The following SND1 variants were observed in gnomAD, a reference collection of about 807,000 sequenced individuals.
The protein encoded by SND1 is staphylococcal nuclease and tudor domain containing 1.
SND1 carries 38 observed loss-of-function variants against 121.7 expected under a neutral mutation model. The observed-to-expected ratio is 0.31, with a 90% CI of 0.24 to 0.41. The LOEUF (loss-of-function observed/expected upper bound fraction) is 0.41. SND1 is among the 10% of genes least tolerant of loss of function. The pLI, the probability that SND1 is intolerant of heterozygous loss-of-function variation, is 1.00. For synonymous variants in SND1, 401 were observed against 447.4 expected, an observed-to-expected ratio of 0.90 and a Z score of 1.31; for missense variants, 868 against 1,184.6, an observed-to-expected ratio of 0.73 and a Z score of 3.92.
intron 15 of SND1, among the ~76,000 whole-genome samples, chr7:127,981,614 TGA>T (rs1282654975): frequency 6.6e-6 from 1 of 152,234 alleles, no homozygotes; most frequent in Non-Finnish European, 1.5e-5. Context: ...CATGCTGGCC[TGA>T]TTGTTATCTT....
At chr7:127,800,071 A>G (rs1052321450) in intron 10 of SND1, among the ~76,000 whole-genome samples, 5 of 152,196 alleles carry the variant, frequency 3.3e-5, no homozygotes, top group African/African-American at 1.2e-4. Context: ...TGTCTCCTGG[A>G]TGCCAAGGGA....
chr7:127,667,919 ATGCTGTTGATCAACTACACTT>A (rs1402034060), intron 1 of SND1, among the ~76,000 whole-genome samples: 1 of 152,204 alleles, frequency 6.6e-6, no homozygotes, highest in Non-Finnish European at 1.5e-5. Context: ...ATTATGTAAA[ATGCTGTTGATCAACTACACTT>A]TGAAAGCACT....
intron 16 of SND1, among the ~76,000 whole-genome samples, chr7:128,056,043 AG>A (rs1793136564): frequency 6.6e-6 from 1 of 152,218 alleles, no homozygotes; most frequent in Non-Finnish European, 1.5e-5. Flanking sequence ...TTTTTTTATT[AG>A]TAAAATGGGA....
chr7:128,001,757 C>T (rs1328480434), intron 16 of SND1, among the ~76,000 whole-genome samples: 1 of 152,134 alleles, frequency 6.6e-6, no homozygotes, highest in Admixed American at 6.5e-5. Flanking sequence ...CATGGAGAAA[C>T]CCCGTCTCTA....
Position 128,089,697 on chromosome 7 carries a change from G to A in SND1, c.2622+5G>A. On this transcript the variant is annotated splice_donor_5th_base_variant and intron_variant, in intron 22 of 23. Transcript: ENST00000354725. Reference sequence around the variant, plus strand: ...GAGAAACAGTTCCAGAAAGTGGTATGTGATGTGGAGAGGCGGCCCCAGCAT... The same window carrying A: ...GAGAAACAGTTCCAGAAAGTGGTATATGATGTGGAGAGGCGGCCCCAGCAT... The A allele has an allele frequency of 6.2e-7, 1 of 1,613,818 alleles. No individual in the cohort carries two copies. Among genetic ancestry groups the A allele is most frequent in the Non-Finnish European group, 8.5e-7 (1 of 1,179,778 alleles).
intron 9 of SND1, among the ~76,000 whole-genome samples, chr7:127,710,477 T>C (rs1489974109): frequency 6.6e-6 from 1 of 151,962 alleles, no homozygotes; most frequent in African/African-American, 2.4e-5. Flanking sequence ...AGCAATGTTC[T>C]TAGTGATGTA....
At chr7:127,742,423 G>T (rs919308414) in intron 10 of SND1, among the ~76,000 whole-genome samples, 1 of 152,086 alleles carries the variant, frequency 6.6e-6, no homozygotes, top group East Asian at 1.9e-4. Flanking sequence ...AAACCTCCCT[G>T]TTGGATGACT....
chr7:128,064,377 A>G (rs987046488), intron 16 of SND1, among the ~76,000 whole-genome samples: 8 of 152,206 alleles, frequency 5.3e-5, no homozygotes, highest in African/African-American at 1.9e-4. Context: ...GTACAGAGAC[A>G]GCAGTGGGGG....
At chr7:127,890,806 AGTAAT>A (rs1290335729) in intron 13 of SND1, among the ~76,000 whole-genome samples, 1 of 152,164 alleles carries the variant, frequency 6.6e-6, no homozygotes, top group Admixed American at 6.5e-5. Context: ...TTTGTGCAGA[AGTAAT>A]GTAACAAGAT....
At chr7:128,047,285 T>G (rs1000263637) in intron 16 of SND1, among the ~76,000 whole-genome samples, 8 of 152,176 alleles carry the variant, frequency 5.3e-5, no homozygotes, top group African/African-American at 1.9e-4. Flanking sequence ...CCACAGTGAG[T>G]GCCTGTGGAC....
intron 10 of SND1, among the ~76,000 whole-genome samples, chr7:127,742,697 G>T (rs1483775728): frequency 1.3e-5 from 2 of 152,098 alleles, no homozygotes; most frequent in African/African-American, 2.4e-5. Context: ...TAAAAGTTTA[G>T]TTCATCGGGT....
At chr7:128,087,167 G>T in intron 21 of SND1, 116 bp downstream of exon 21, 1 of 740,860 alleles carries the variant, frequency 1.3e-6, no homozygotes, top group Non-Finnish European at 2.2e-6. Context: ...CTTAGTAATA[G>T]TACTCAAGAG....
In SND1 at chr7:127,673,867, C is replaced by A. The variant is rs566483810; in HGVS notation, c.79-12746C>A. ...TATGTCCCCATTATTTGAGTACTTT[C>A]TTCTGACACAGCAAGGTATTCCAGG... On this transcript the variant is annotated intron_variant, in intron 1 of 23. Transcript: ENST00000354725. 2.0e-5 allele frequency among the ~76,000 whole-genome samples: 3 copies of A among 152,140 alleles called. No homozygotes were observed. In the East Asian group the frequency reaches 5.8e-4, roughly 29 times the overall value.
chr7:127,943,951 C>T (rs1801270866), intron 15 of SND1, among the ~76,000 whole-genome samples: 1 of 152,208 alleles, frequency 6.6e-6, no homozygotes, highest in Non-Finnish European at 1.5e-5. Flanking sequence ...GCTGGTGCCT[C>T]AGAGGAGGGC....
chr7:127,970,535 A>G (rs1408950494), intron 15 of SND1, among the ~76,000 whole-genome samples: 1 of 152,228 alleles, frequency 6.6e-6, no homozygotes, highest in South Asian at 2.1e-4. Flanking sequence ...TAGGAAAGAT[A>G]GGCAGTGTGA....
At chr7:127,817,721 C>CTTTTTTTTT (rs72233818) in intron 11 of SND1, among the ~76,000 whole-genome samples, 2 of 104,074 alleles carry the variant, frequency 1.9e-5, no homozygotes, top group African/African-American at 7.3e-5. Context: ...TTCCTTCATA[C>CTTTTTTTTT]TTTTTTTTTT....
intron 11 of SND1, among the ~76,000 whole-genome samples, chr7:127,829,220 C>G (rs1404460917): frequency 6.6e-6 from 1 of 152,164 alleles, no homozygotes; most frequent in Non-Finnish European, 1.5e-5. Context: ...CCCCTGCCCC[C>G]TCCCCCACAT....
intron 16 of SND1, among the ~76,000 whole-genome samples, chr7:128,059,063 T>G (rs1263339075): frequency 6.6e-6 from 1 of 152,182 alleles, no homozygotes; most frequent in African/African-American, 2.4e-5. Flanking sequence ...TGTCCCAAAA[T>G]TCTACCCTCG....
At chr7:127,729,927 C>T (rs1229915931) in intron 10 of SND1, among the ~76,000 whole-genome samples, 6 of 152,174 alleles carry the variant, frequency 3.9e-5, no homozygotes, top group South Asian at 2.1e-4. Flanking sequence ...TGAAAATCTA[C>T]GGTCAATTTA....
Sources: allele counts gnomAD v4.1 joint callset (sites outside exome capture counted in the v4.1 genomes callset), GRCh38; gene constraint gnomAD v4.1.1; transcripts MANE v1.5; gene names NCBI Gene and HGNC (gene_info 2026-07-23, HGNC 2026-07-21).